UVRAG: variants seen among roughly 807,000 people sequenced by gnomAD.
UVRAG encodes UV radiation resistance associated.
UVRAG carries 19 observed loss-of-function variants against 78.0 expected under a neutral mutation model. The ratio of observed to expected loss-of-function variants is 0.24; its 90% CI spans 0.17 to 0.36. The LOEUF (loss-of-function observed/expected upper bound fraction) is 0.36, where lower values mean the gene tolerates loss of function less well. Among genes scored for constraint, UVRAG ranks in the 10% least tolerant of loss-of-function variants. The pLI, the probability that UVRAG is intolerant of heterozygous loss-of-function variation, is 1.00. For synonymous variants in UVRAG, 323 were observed against 324.6 expected (o/e 1.00, Z 0.05); for missense variants, 740 against 853.8 (o/e 0.87, Z 1.66).
At chr11:75,970,971 A>G (rs543230257) in intron 7 of UVRAG, among the ~76,000 whole-genome samples, 28 of 152,280 alleles carry the variant, frequency 1.8e-4, no homozygotes, top group African/African-American at 6.7e-4. Context: ...TACAGCATCA[A>G]ACAGAATAGT....
intron 6 of UVRAG, among the ~76,000 whole-genome samples, chr11:75,939,195 C>CTTTA (rs1443453788): frequency 6.6e-6 from 1 of 152,016 alleles, no homozygotes; most frequent in Non-Finnish European, 1.5e-5. Context: ...TTTTGATGTC[C>CTTTA]TAAAGATCAT....
chr11:76,098,269 C>T (rs1565160069), intron 13 of UVRAG, among the ~76,000 whole-genome samples: 1 of 152,104 alleles, frequency 6.6e-6, no homozygotes. Flanking sequence ...AGATAACTAA[C>T]ATTTGTAAGA....
intron 6 of UVRAG, among the ~76,000 whole-genome samples, chr11:75,928,333 A>G (rs1388164313): frequency 6.6e-6 from 1 of 152,232 alleles, no homozygotes; most frequent in East Asian, 1.9e-4. Context: ...GATTTTGCTC[A>G]AGGCATTCCA....
At chr11:75,867,346 C>T (rs932533024) in intron 3 of UVRAG, among the ~76,000 whole-genome samples, 7 of 151,870 alleles carry the variant, frequency 4.6e-5, no homozygotes, top group Admixed American at 6.6e-5. Context: ...TGACTTTTAA[C>T]ACCATAGGTT....
rs1408149649 is a variant in UVRAG at position 76,140,698 on chromosome 11, G to T, written c.1398-13G>T. The T allele has an allele frequency of 6.5e-6, 10 of 1,544,136 alleles. No individual in the cohort carries two copies. Among genetic ancestry groups the T allele is most frequent in the Admixed American group, 2.1e-5 (1 of 47,312 alleles). On this transcript the variant is annotated splice_polypyrimidine_tract_variant and intron_variant, in intron 14 of 14. Coordinates refer to ENST00000356136, the MANE Select transcript of UVRAG (RefSeq NM_003369.4). ...AAGTCCAAAGTAACTTCTTGTTTTT[G>T]TTTCTCTTCTAGTGACAGACATCAC... is the stretch of plus-strand genomic sequence containing the variant.
intron 14 of UVRAG, among the ~76,000 whole-genome samples, chr11:76,140,082 C>CCT (rs1565177271): frequency 1.7e-4 from 1 of 5,754 alleles, no homozygotes; most frequent in African/African-American, 9.2e-4. Flanking sequence ...TCCCTCCCTC[C>CCT]CCCTCTCCCC....
chr11:75,839,732 G>C (rs1945864487), intron 1 of UVRAG, among the ~76,000 whole-genome samples: 1 of 144,404 alleles, frequency 6.9e-6, no homozygotes, highest in Admixed American at 6.7e-5. Context: ...AATGTCTATT[G>C]AAATGTATAT....
At chr11:76,129,435 A>C (rs1434090539) in intron 14 of UVRAG, among the ~76,000 whole-genome samples, 1 of 152,180 alleles carries the variant, frequency 6.6e-6, no homozygotes, top group Non-Finnish European at 1.5e-5. Flanking sequence ...CTAAAGGCTT[A>C]GTCCTAGGCC....
intron 13 of UVRAG, among the ~76,000 whole-genome samples, chr11:76,114,948 A>G (rs1470477798): frequency 6.6e-6 from 1 of 152,214 alleles, no homozygotes; most frequent in Non-Finnish European, 1.5e-5. Flanking sequence ...GTACACAGAC[A>G]TACATTTTAT....
chr11:76,122,790 T>C (rs1184426500), intron 14 of UVRAG, among the ~76,000 whole-genome samples: 1 of 152,206 alleles, frequency 6.6e-6, no homozygotes, highest in East Asian at 1.9e-4. Context: ...TAGAGATAAG[T>C]ACCCTAAAAC....
intron 2 of UVRAG, among the ~76,000 whole-genome samples, chr11:75,854,460 A>G (rs1946239289): frequency 6.6e-6 from 1 of 152,072 alleles, no homozygotes; most frequent in South Asian, 2.1e-4. Flanking sequence ...CTGTTTGCCC[A>G]GGCTGGAGTG....
At chr11:76,078,481 G>A (rs927573111) in intron 13 of UVRAG, among the ~76,000 whole-genome samples, 1 of 151,726 alleles carries the variant, frequency 6.6e-6, no homozygotes, top group Admixed American at 6.6e-5. Context: ...ATGCAGACTA[G>A]CACTTTACAT....
At chr11:75,852,430 C>G (rs1946174737) in intron 2 of UVRAG, among the ~76,000 whole-genome samples, 2 of 151,988 alleles carry the variant, frequency 1.3e-5, no homozygotes, top group South Asian at 4.1e-4. Context: ...ATGGTTTTCT[C>G]TAATTCAGTT....
chr11:76,009,068 T>C (rs953822990), intron 11 of UVRAG, among the ~76,000 whole-genome samples: 1 of 152,142 alleles, frequency 6.6e-6, no homozygotes, highest in Admixed American at 6.6e-5. Flanking sequence ...CTGAACCTTA[T>C]ATTAGAAATT....
chr11:76,096,486 C>T (rs75656082), intron 13 of UVRAG, among the ~76,000 whole-genome samples: 2,107 of 152,240 alleles, frequency 0.014, 19 homozygotes, highest in Non-Finnish European at 0.023. Context: ...TTTTAGCTCA[C>T]ATGAGAAATA....
In UVRAG at chr11:76,030,659, T is replaced by C. The variant is rs28525645; in HGVS notation, c.1226+13679T>C. On this transcript the variant is annotated intron_variant, in intron 12 of 14. Transcript: ENST00000356136. ...CAAACACATCACAGTATTTCCTACC[T>C]TGATACTCATTGTCCATGCTATTCT... 2.6e-3 allele frequency among the ~76,000 whole-genome samples: 400 copies of C among 152,294 alleles called. 5 individuals carry two copies. Among genetic ancestry groups the C allele is most frequent in the African/African-American group, 9.3e-3 (387 of 41,582 alleles).
At chr11:75,995,628 C>T (rs968345896) in intron 8 of UVRAG, among the ~76,000 whole-genome samples, 1 of 151,728 alleles carries the variant, frequency 6.6e-6, no homozygotes, top group Non-Finnish European at 1.5e-5. Context: ...AAGAATCACA[C>T]AGTATATTTA....
chr11:75,950,225 A>G (rs1179387696), intron 6 of UVRAG, among the ~76,000 whole-genome samples: 1 of 152,050 alleles, frequency 6.6e-6, no homozygotes, highest in African/African-American at 2.4e-5. Flanking sequence ...ACCTTACACA[A>G]GTTTTTTGTG....
chr11:75,822,413 C>T (rs1945413512), intron 1 of UVRAG, among the ~76,000 whole-genome samples: 1 of 152,196 alleles, frequency 6.6e-6, no homozygotes, highest in African/African-American at 2.4e-5. Flanking sequence ...CTCCAGTGAA[C>T]ACCAATATGG....
Sources: allele counts gnomAD v4.1 joint callset (sites outside exome capture counted in the v4.1 genomes callset), GRCh38; gene constraint gnomAD v4.1.1; transcripts MANE v1.5; gene names NCBI Gene and HGNC (gene_info 2026-07-23, HGNC 2026-07-21).